ARHGAP15: variants seen among roughly 807,000 people sequenced by gnomAD.
ARHGAP15 encodes the protein Rho GTPase activating protein 15, also known as rho GTPase-activating protein 15.
ARHGAP15 carries 51 observed loss-of-function variants against 63.7 expected under a neutral mutation model. The observed-to-expected ratio is 0.80, with a 90% CI of 0.64 to 1.01. The LOEUF is 1.01. ARHGAP15 is among the 50% of genes least tolerant of loss of function. ARHGAP15 has a pLI of 0.00. For missense variants in ARHGAP15, 560 were observed against 564.6 expected (o/e 0.99, Z 0.08); for synonymous variants, 191 against 193.8 (o/e 0.99, Z 0.12).
intron 6 of ARHGAP15, among the ~76,000 whole-genome samples, chr2:143,392,551 A>G (rs1687580606): frequency 6.6e-6 from 1 of 152,222 alleles, no homozygotes; most frequent in Non-Finnish European, 1.5e-5. Flanking sequence ...GCTCACAGCA[A>G]CACTTACATA....
chr2:143,170,652 T>A (rs1027008854), intron 2 of ARHGAP15, among the ~76,000 whole-genome samples: 2 of 152,090 alleles, frequency 1.3e-5, no homozygotes, highest in Non-Finnish European at 2.9e-5. Flanking sequence ...CCTATTAAAA[T>A]TCTATTCAAC....
intron 12 of ARHGAP15, among the ~76,000 whole-genome samples, chr2:143,626,705 A>G (rs1698850256): frequency 6.6e-6 from 1 of 152,018 alleles, no homozygotes; most frequent in Non-Finnish European, 1.5e-5. Context: ...GGTGCATTTT[A>G]CAGAGCACTG....
At chr2:143,394,085 C>T (rs1485758882) in intron 6 of ARHGAP15, among the ~76,000 whole-genome samples, 1 of 152,180 alleles carries the variant, frequency 6.6e-6, no homozygotes, top group Non-Finnish European at 1.5e-5. Context: ...TGCATATACA[C>T]AGTGATCACT....
intron 13 of ARHGAP15, among the ~76,000 whole-genome samples, chr2:143,756,645 TAAA>T (rs532799922): frequency 6.9e-6 from 1 of 145,662 alleles, no homozygotes; most frequent in African/African-American, 2.5e-5. Flanking sequence ...GAAAAACACC[TAAA>T]AAAAAAAATA....
At chr2:143,152,472 C>G (rs769476424) in intron 1 of ARHGAP15, among the ~76,000 whole-genome samples, 1 of 151,982 alleles carries the variant, frequency 6.6e-6, no homozygotes, top group Non-Finnish European at 1.5e-5. Context: ...GGGCACTGCC[C>G]TATTCTCAGT....
At chr2:143,230,952 G>A (rs1449604474) in intron 5 of ARHGAP15, among the ~76,000 whole-genome samples, 1 of 151,920 alleles carries the variant, frequency 6.6e-6, no homozygotes, top group African/African-American at 2.4e-5. Flanking sequence ...TGATTTAAAA[G>A]AATAAATGGT....
intron 6 of ARHGAP15, among the ~76,000 whole-genome samples, chr2:143,413,566 A>T (rs1363157221): frequency 1.3e-5 from 2 of 152,192 alleles, no homozygotes; most frequent in African/African-American, 4.8e-5. Flanking sequence ...GAACTCTTTC[A>T]CTTAAGTGAT....
intron 13 of ARHGAP15, among the ~76,000 whole-genome samples, chr2:143,735,821 T>G (rs2105495473): frequency 6.6e-6 from 1 of 152,324 alleles, no homozygotes; most frequent in Middle Eastern, 3.4e-3. Context: ...CCAACAAAAC[T>G]ATCCTGTCTC....
rs753991992 is a variant in ARHGAP15 at position 143,143,563 on chromosome 2, C to CTT, written c.-14-11912_-14-11911dup. Among the ~76,000 whole-genome samples the CTT allele has an allele frequency of 7.5e-4, 86 of 114,342 alleles. 3 individuals are homozygous for CTT. The highest frequency in any genetic ancestry group is 2.2e-3 in the South Asian group (8 of 3,566). The allele number at this position is 114,342 out of a possible 152,430, so 75.0% of individuals were successfully genotyped here. A position where few individuals can be genotyped will look rare whatever the true frequency, so the allele number is the denominator to read the frequency against. The stretch of plus-strand genomic sequence containing the variant: ...GGTCTTTATCAAGGAGAGCTATTTT[C>CTT]TTTCTTTTTTTTTTTTTTGTCCCTC... On this transcript the variant is annotated intron_variant, in intron 1 of 13. Transcript: ENST00000295095.
chr2:143,148,528 AC>A (rs1332784909), intron 1 of ARHGAP15, among the ~76,000 whole-genome samples: 42 of 152,162 alleles, frequency 2.8e-4, no homozygotes, highest in Admixed American at 1.0e-3. Context: ...TGACATTTTC[AC>A]CATTTAAGAT....
chr2:143,587,274 G>T (rs1697142244), intron 11 of ARHGAP15, among the ~76,000 whole-genome samples: 1 of 152,054 alleles, frequency 6.6e-6, no homozygotes, highest in South Asian at 2.1e-4. Context: ...CCCTCATCTT[G>T]GTGCAGACTT....
chr2:143,216,811 C>A (rs1692774879), intron 4 of ARHGAP15, among the ~76,000 whole-genome samples: 2 of 152,106 alleles, frequency 1.3e-5, no homozygotes, highest in South Asian at 4.1e-4. Context: ...AGAATAATTT[C>A]TTGAAGGATG....
intron 8 of ARHGAP15, among the ~76,000 whole-genome samples, chr2:143,447,688 G>A (rs966324946): frequency 6.6e-6 from 1 of 152,298 alleles, no homozygotes; most frequent in Non-Finnish European, 1.5e-5. Context: ...GTGGTGTTCA[G>A]AATTATTAGC....
chr2:143,193,893 A>C (rs897083046), intron 2 of ARHGAP15, among the ~76,000 whole-genome samples: 13 of 152,248 alleles, frequency 8.5e-5, no homozygotes, highest in African/African-American at 3.1e-4. Flanking sequence ...TTTCTTCTTC[A>C]GTGATGGAAC....
chr2:143,668,613 A>T (rs1054730807), intron 12 of ARHGAP15, among the ~76,000 whole-genome samples: 6 of 152,334 alleles, frequency 3.9e-5, no homozygotes, highest in African/African-American at 1.4e-4. Context: ...TATACAGCCT[A>T]CATGACCATC....
At chr2:143,311,839 TA>T (rs1340699981) in intron 6 of ARHGAP15, among the ~76,000 whole-genome samples, 3 of 152,136 alleles carry the variant, frequency 2.0e-5, no homozygotes, top group African/African-American at 7.2e-5. Context: ...AACAGTTCAT[TA>T]GCCCTAGATT....
chr2:143,305,684 A>G (rs1683134883), intron 6 of ARHGAP15, among the ~76,000 whole-genome samples: 1 of 152,120 alleles, frequency 6.6e-6, no homozygotes, highest in Non-Finnish European at 1.5e-5. Flanking sequence ...CAAATAATAT[A>G]GATATATCAA....
chr2:143,392,277 T>C (rs972887258), intron 6 of ARHGAP15, among the ~76,000 whole-genome samples: 2 of 152,196 alleles, frequency 1.3e-5, no homozygotes, highest in African/African-American at 4.8e-5. Flanking sequence ...ATGTTAAATG[T>C]AAATAAGTAT....
At chr2:143,422,080 C>T (rs1688947067) in intron 6 of ARHGAP15, among the ~76,000 whole-genome samples, 1 of 152,096 alleles carries the variant, frequency 6.6e-6, no homozygotes, top group African/African-American at 2.4e-5. Flanking sequence ...AATTAACAAG[C>T]TGCATATAAG....
Sources: gnomAD v4.1 joint callset for allele counts (sites outside exome capture counted in the v4.1 genomes callset) on GRCh38, gnomAD v4.1.1 for gene constraint, MANE v1.5 for transcripts, NCBI Gene and HGNC (gene_info 2026-07-23, HGNC 2026-07-21) for gene names.